The following ZNF804B variants were observed in gnomAD, a reference collection of about 807,000 sequenced individuals.
The protein encoded by ZNF804B is zinc finger 804B.
ZNF804B carries 80 observed loss-of-function variants against 101.4 expected under a neutral mutation model. The ratio of observed to expected loss-of-function variants is 0.79; its 90% CI spans 0.66 to 0.95. The LOEUF (loss-of-function observed/expected upper bound fraction) is 0.95, where lower values mean the gene tolerates loss of function less well. ZNF804B is among the 40% of genes least tolerant of loss of function. The probability of loss-of-function intolerance (pLI) is 0.00; values close to 1 mark genes in which losing one functional copy is unlikely to be tolerated. For synonymous variants in ZNF804B, 622 were observed against 558.8 expected, an observed-to-expected ratio of 1.11 and a Z score of -1.59; for missense variants, 1,673 against 1,561.9, an observed-to-expected ratio of 1.07 and a Z score of -1.20.
intron 1 of ZNF804B, among the ~76,000 whole-genome samples, chr7:88,886,383 C>G (rs944608292): frequency 6.6e-6 from 1 of 151,998 alleles, no homozygotes; most frequent in African/African-American, 2.4e-5. Context: ...ATGAAGTAAT[C>G]TTTACAACAA....
chr7:89,264,755 C>T (rs1430828705), intron 2 of ZNF804B, among the ~76,000 whole-genome samples: 2 of 152,134 alleles, frequency 1.3e-5, no homozygotes, highest in Non-Finnish European at 2.9e-5. Flanking sequence ...AATATATTCT[C>T]ATAATTTAGA....
chr7:88,971,033 A>T (rs1264626870), intron 1 of ZNF804B, among the ~76,000 whole-genome samples: 2 of 151,582 alleles, frequency 1.3e-5, no homozygotes, highest in East Asian at 3.9e-4. Flanking sequence ...AAATAAAAAA[A>T]AAACAGCCTT....
intron 1 of ZNF804B, among the ~76,000 whole-genome samples, chr7:89,044,393 C>T (rs1789070290): frequency 6.6e-6 from 1 of 152,094 alleles, no homozygotes; most frequent in South Asian, 2.1e-4. Flanking sequence ...CGGACTAATA[C>T]AGTAAATTGG....
At chr7:89,274,961 T>C (rs1789956351) in intron 2 of ZNF804B, among the ~76,000 whole-genome samples, 1 of 151,920 alleles carries the variant, frequency 6.6e-6, no homozygotes. Flanking sequence ...TCTCTTCTGT[T>C]CTCAGTGAGA....
chr7:89,234,078 G>A (rs1022421001), intron 2 of ZNF804B, among the ~76,000 whole-genome samples: 7 of 152,170 alleles, frequency 4.6e-5, no homozygotes, highest in African/African-American at 1.7e-4. Flanking sequence ...AAAAAGCCAT[G>A]TAAGTAAGTA....
intron 1 of ZNF804B, among the ~76,000 whole-genome samples, chr7:89,092,866 A>G (rs1429238146): frequency 6.6e-6 from 1 of 152,090 alleles, no homozygotes; most frequent in Non-Finnish European, 1.5e-5. Context: ...GGTTCCTTTT[A>G]TTGGAGGGTA....
At chr7:88,776,349 T>C (rs374547521) in intron 1 of ZNF804B, among the ~76,000 whole-genome samples, 19 of 152,322 alleles carry the variant, frequency 1.2e-4, no homozygotes, top group African/African-American at 4.6e-4. Context: ...TCAGATCACA[T>C]TATACTGTAG....
intron 1 of ZNF804B, among the ~76,000 whole-genome samples, chr7:89,107,106 A>G (rs539466755): frequency 2.1e-4 from 32 of 152,286 alleles, no homozygotes; most frequent in Non-Finnish European, 3.5e-4. Flanking sequence ...ACATATTCCA[A>G]TTGGAAATTG....
chr7:88,919,837 TC>T (rs1792693598), intron 1 of ZNF804B, among the ~76,000 whole-genome samples: 1 of 152,230 alleles, frequency 6.6e-6, no homozygotes, highest in South Asian at 2.1e-4. Flanking sequence ...ACCTCTTATA[TC>T]CTAATCATTA....
At chr7:88,802,462 CACTT>C (rs1327256334) in intron 1 of ZNF804B, among the ~76,000 whole-genome samples, 1 of 151,692 alleles carries the variant, frequency 6.6e-6, no homozygotes, top group Non-Finnish European at 1.5e-5. Context: ...TTCTGTACCA[CACTT>C]ACTAATTGTA....
chr7:89,241,923 TATGCTATG>T, intron 2 of ZNF804B, among the ~76,000 whole-genome samples: 1 of 149,764 alleles, frequency 6.7e-6, no homozygotes, highest in Non-Finnish European at 1.5e-5. Flanking sequence ...AAAGGAACAA[TATGCTATG>T]ATCTTTCACA....
chr7:89,096,069 G>A (rs1339032699), intron 1 of ZNF804B, among the ~76,000 whole-genome samples: 2 of 151,464 alleles, frequency 1.3e-5, no homozygotes, highest in African/African-American at 2.4e-5. Flanking sequence ...GCAGGAGAAT[G>A]GCGTGAACCC....
chr7:88,783,558 A>T (rs748448407), intron 1 of ZNF804B, among the ~76,000 whole-genome samples: 3 of 152,142 alleles, frequency 2.0e-5, no homozygotes, highest in Non-Finnish European at 4.4e-5. Context: ...AGAGATGCTG[A>T]TCATTGTCGA....
chr7:88,893,220 G>A (rs1200393258), intron 1 of ZNF804B, among the ~76,000 whole-genome samples: 3 of 151,922 alleles, frequency 2.0e-5, no homozygotes, highest in Non-Finnish European at 4.4e-5. Context: ...TTTTATTATA[G>A]TTTCTGACCT....
At chr7:89,208,869 G>A (rs527921519) in intron 1 of ZNF804B, among the ~76,000 whole-genome samples, 11 of 152,108 alleles carry the variant, frequency 7.2e-5, no homozygotes, top group East Asian at 5.9e-4. Flanking sequence ...AAAATTAGCC[G>A]GGCGAGCTGG....
chr7:88,771,061 C>A (rs1356499317), intron 1 of ZNF804B, among the ~76,000 whole-genome samples: 1 of 152,042 alleles, frequency 6.6e-6, no homozygotes, highest in Non-Finnish European at 1.5e-5. Flanking sequence ...AAATACTGTT[C>A]ACATTTTTAA....
At chr7:89,064,125 T>C (rs760618779) in intron 1 of ZNF804B, among the ~76,000 whole-genome samples, 1 of 152,078 alleles carries the variant, frequency 6.6e-6, no homozygotes, top group South Asian at 2.1e-4. Flanking sequence ...CACTGCAGCA[T>C]TGGCAGACCC....
intron 1 of ZNF804B, among the ~76,000 whole-genome samples, chr7:88,911,028 A>G (rs1381894361): frequency 1.3e-5 from 2 of 152,048 alleles, no homozygotes; most frequent in African/African-American, 4.8e-5. Flanking sequence ...AAATAATCAG[A>G]GAAAACTTAG....
chr7:89,173,019 G>T (rs1287693356), intron 1 of ZNF804B, among the ~76,000 whole-genome samples: 1 of 152,094 alleles, frequency 6.6e-6, no homozygotes, highest in Non-Finnish European at 1.5e-5. Context: ...ATAATTCAAG[G>T]CAATGATTAC....
Sources: allele counts gnomAD v4.1 joint callset (sites outside exome capture counted in the v4.1 genomes callset), GRCh38; gene constraint gnomAD v4.1.1; transcripts MANE v1.5; gene names NCBI Gene and HGNC (gene_info 2026-07-23, HGNC 2026-07-21).